Variants in CHAF1A observed in about 807,000 individuals in gnomAD.
CHAF1A encodes the protein chromatin assembly factor 1 subunit A.
A neutral mutation model predicts 93.2 loss-of-function variants in CHAF1A; 5 were observed. The ratio of observed to expected loss-of-function variants is 0.05; its 90% CI spans 0.03 to 0.11. The LOEUF is 0.11. Among genes scored for constraint, CHAF1A ranks in the 10% least tolerant of loss-of-function variants. The probability of loss-of-function intolerance (pLI) is 1.00; values close to 1 mark genes in which losing one functional copy is unlikely to be tolerated. For missense variants in CHAF1A, 1,102 were observed against 1,259.9 expected, an observed-to-expected ratio of 0.87 and a Z score of 1.90; for synonymous variants, 504 against 510.3, an observed-to-expected ratio of 0.99 and a Z score of 0.17.
At chr19:4,413,153 C>T (rs1348071352) in intron 3 of CHAF1A, among the ~76,000 whole-genome samples, 1 of 152,110 alleles carries the variant, frequency 6.6e-6, no homozygotes, top group Non-Finnish European at 1.5e-5. Context: ...GCTCCTGCAA[C>T]CGCTGCCTCC....
chr19:4,440,846 G>T (rs1168426137), intron 13 of CHAF1A, among the ~76,000 whole-genome samples: 1 of 152,116 alleles, frequency 6.6e-6, no homozygotes, highest in Non-Finnish European at 1.5e-5. Flanking sequence ...GAGGCCAGGT[G>T]CGGTGGCTCA....
chr19:4,430,095 C>G, intron 10 of CHAF1A: 1 of 402,008 alleles, frequency 2.5e-6, no homozygotes, highest in South Asian at 2.7e-5. Context: ...TCCTGACTGC[C>G]CAGCTGCTGT....
At chr19:4,420,805 G>A (rs888152510) in intron 4 of CHAF1A, among the ~76,000 whole-genome samples, 9 of 152,148 alleles carry the variant, frequency 5.9e-5, no homozygotes, top group Admixed American at 5.2e-4. Context: ...GGTTGCAATG[G>A]GTCATGCCTG....
rs746272631 is a variant in CHAF1A at position 4,443,051 on chromosome 19, C to T, written c.*26C>T. On this transcript the variant is annotated 3_prime_UTR_variant, in exon 15 of 15. Coordinates refer to ENST00000301280, the MANE Select transcript of CHAF1A (RefSeq NM_005483.3). ...GAGCAGGGGTGACGTATGTAGAATG[C>T]TTAGGGTGTCCTCCCCACAGAGCAG... The T allele has an allele frequency of 2.2e-6, 3 of 1,380,056 alleles. No individual in the cohort carries two copies. Among genetic ancestry groups the T allele is most frequent in the South Asian group, 2.5e-5 (2 of 81,002 alleles). The allele number at this position is 1,380,056 out of a possible 1,614,324, so 85.5% of individuals were successfully genotyped here.
At chr19:4,447,389 T>C, downstream of CHAF1A, 1 of 712,800 alleles carries the variant, frequency 1.4e-6, no homozygotes, top group Non-Finnish European at 2.4e-6. Flanking sequence ...CTCTCCATCT[T>C]GTCCTGCTAC....
intron 3 of CHAF1A, among the ~76,000 whole-genome samples, chr19:4,416,436 T>A (rs1168898069): frequency 2.0e-5 from 3 of 152,224 alleles, no homozygotes; most frequent in Admixed American, 1.3e-4. Flanking sequence ...TGGGACCATT[T>A]AGGTGGATGG....
At chr19:4,441,903 AAAAT>A (rs1341558198) in intron 13 of CHAF1A, among the ~76,000 whole-genome samples, 1 of 152,224 alleles carries the variant, frequency 6.6e-6, no homozygotes, top group Non-Finnish European at 1.5e-5. Flanking sequence ...GTCTCAAAAA[AAAAT>A]AAAAATAAAT....
chr19:4,414,561 A>G (rs188960909), intron 3 of CHAF1A, among the ~76,000 whole-genome samples: 31 of 152,276 alleles, frequency 2.0e-4, no homozygotes, highest in African/African-American at 6.7e-4. Context: ...TTCCTTGTGT[A>G]TGACATATAC....
rs770861602 is a variant in CHAF1A, at chr19:4,409,111, T to C, written c.312T>C (p.Asn104=). 1.2e-5 allele frequency: 20 copies of C among 1,613,984 alleles called. No homozygotes were observed. In the East Asian group the frequency reaches 2.2e-4, roughly 18 times the overall value. Residue 104 remains asparagine (N), a synonymous_variant, in exon 3 of 15, where the codon AAT becomes AAC. Coordinates refer to ENST00000301280, the MANE Select transcript of CHAF1A (RefSeq NM_005483.3). ...GKGPLDNFLR[N]RIETSIGQST... ...GTCCCTTAGATAACTTTTTAAGAAA[T>C]AGAATCGAAACCAGTATTGGCCAGA...
chr19:4,430,916 G>A (rs1318653893), intron 11 of CHAF1A: 3 of 449,176 alleles, frequency 6.7e-6, no homozygotes, highest in Non-Finnish European at 1.2e-5. Flanking sequence ...GGGTTAGAAG[G>A]CTGGAAACCA....
At chr19:4,445,555 G>C (rs61729794), downstream of CHAF1A, 5 of 1,613,700 alleles carry the variant, frequency 3.1e-6, no homozygotes, top group South Asian at 4.4e-5. Flanking sequence ...AGTCCGGCTC[G>C]GCCCCCGCGG....
rs528900843 is a variant in CHAF1A, at chr19:4,428,986, C to T, written c.1604+96C>T. 3.3e-5 allele frequency: 32 copies of T among 971,170 alleles called. No individual in the cohort carries two copies. In the African/African-American group the frequency reaches 3.6e-4, roughly 11 times the overall value. 60.2% of individuals were successfully genotyped at this position (971,170 alleles called of 1,614,324 possible). On this transcript the variant is annotated intron_variant, in intron 8 of 14. Transcript: ENST00000301280. ...CCCGGGGTGGGAGCTCTGGGTCCTT[C>T]TGTTGCTTGCTTCCTAGTGCCCTCG...
chr19:4,427,002 G>C (rs1974094042), intron 7 of CHAF1A, among the ~76,000 whole-genome samples: 1 of 150,996 alleles, frequency 6.6e-6, no homozygotes, highest in Non-Finnish European at 1.5e-5. Context: ...TGAGGCAGGA[G>C]AATCGCCCAA....
At chr19:4,410,641 A>G (rs1973778602) in intron 3 of CHAF1A, among the ~76,000 whole-genome samples, 1 of 152,134 alleles carries the variant, frequency 6.6e-6, no homozygotes, top group South Asian at 2.1e-4. Context: ...TTGGCCTCCC[A>G]AAGTGCTGGA....
At chr19:4,448,828 C>T (rs1019075702), downstream of CHAF1A, 4 of 208,618 alleles carry the variant, frequency 1.9e-5, no homozygotes, top group Non-Finnish European at 3.0e-5. Context: ...CCATGATGGA[C>T]GTTCTGGAAC....
At chr19:4,447,024 TCGACCC>T, downstream of CHAF1A, 3 of 1,186,506 alleles carry the variant, frequency 2.5e-6, no homozygotes, top group Non-Finnish European at 3.6e-6. Flanking sequence ...GGAGCAGCTG[TCGACCC>T]CTGGATGGGG....
intron 14 of CHAF1A, 114 bp from the exon 15 acceptor site, chr19:4,442,811 G>A: frequency 1.4e-6 from 1 of 715,432 alleles, no homozygotes; most frequent in South Asian, 2.0e-5. Flanking sequence ...ACTGTCAGGT[G>A]GAGGGTCCCG....
intron 3 of CHAF1A, 129 bp from the exon 4 acceptor site, chr19:4,417,891 T>C: frequency 3.3e-6 from 2 of 600,762 alleles, no homozygotes; most frequent in Non-Finnish European, 3.0e-6. Flanking sequence ...GCACACTTAC[T>C]GGAGTTTGTG....
intron 8 of CHAF1A, 146 bp from the exon 9 acceptor site, chr19:4,429,292 C>G: frequency 3.2e-6 from 3 of 931,706 alleles, no homozygotes; most frequent in Non-Finnish European, 4.8e-6. Flanking sequence ...TGTTCCTGAC[C>G]TTTCTTTGGG....
Sources: allele counts gnomAD v4.1 joint callset (sites outside exome capture counted in the v4.1 genomes callset), GRCh38; gene constraint gnomAD v4.1.1; transcripts MANE v1.5; gene names NCBI Gene and HGNC (gene_info 2026-07-23, HGNC 2026-07-21).